Variants in CCDC175 observed in about 807,000 individuals in gnomAD.
The protein encoded by CCDC175 is coiled-coil domain-containing protein 175.
Under a neutral mutation model 114.6 loss-of-function variants are expected in CCDC175, and 100 were observed. The observed-to-expected ratio is 0.87, with a 90% CI of 0.74 to 1.03. CCDC175 has a LOEUF of 1.03. CCDC175 is among the 50% of genes least tolerant of loss of function. The pLI is 0.00. For missense variants in CCDC175, 880 were observed against 917.8 expected, an observed-to-expected ratio of 0.96 and a Z score of 0.53; for synonymous variants, 306 against 308.7, an observed-to-expected ratio of 0.99 and a Z score of 0.09.
Position 59,531,905 on chromosome 14 carries a change from T to G in CCDC175, c.1629A>C (p.Ile543=). ...TGTTAATTTGTGTTTCCTTAACAAA[T>G]ATTTCCTTTAAAGAAAATAAAATCA... ...LMKELSKYEE[I]FVKETQINKE... Residue 543 remains isoleucine (I), a synonymous_variant, in exon 14 of 20, where the codon ATA becomes ATC. Transcript: ENST00000537690. 1 of 1,165,562 alleles carries G rather than the reference T, an allele frequency of 8.6e-7. No homozygotes were observed. The highest frequency in any genetic ancestry group is 1.4e-5 in the South Asian group (1 of 70,210). 72.2% of individuals were successfully genotyped at this position (1,165,562 alleles called of 1,614,324 possible).
intron 7 of CCDC175, among the ~76,000 whole-genome samples, chr14:59,557,031 G>T (rs1442332730): frequency 1.3e-5 from 2 of 152,196 alleles, no homozygotes; most frequent in Non-Finnish European, 2.9e-5. Flanking sequence ...CTGTAAACTA[G>T]TTCAACGATT....
At chr14:59,551,962 G>A (rs1308971812) in intron 7 of CCDC175, among the ~76,000 whole-genome samples, 1 of 152,378 alleles carries the variant, frequency 6.6e-6, no homozygotes, top group East Asian at 1.9e-4. Context: ...GGTAAACAAA[G>A]CGGCCTGGAA....
intron 3 of CCDC175, among the ~76,000 whole-genome samples, chr14:59,569,669 T>A (rs958654225): frequency 5.3e-5 from 8 of 152,200 alleles, no homozygotes; most frequent in African/African-American, 1.7e-4. Context: ...TTTCCCTGCA[T>A]GTATAGTTTG....
intron 4 of CCDC175, among the ~76,000 whole-genome samples, chr14:59,566,885 T>G (rs1185675487): frequency 1.3e-5 from 2 of 152,174 alleles, no homozygotes; most frequent in African/African-American, 4.8e-5. Flanking sequence ...TTATTGCCTT[T>G]CCGTAAAGAT....
intron 14 of CCDC175, among the ~76,000 whole-genome samples, chr14:59,528,315 A>G (rs1893868336): frequency 6.6e-6 from 1 of 152,116 alleles, no homozygotes; most frequent in South Asian, 2.1e-4. Flanking sequence ...CCACACTAAT[A>G]TGGCTTAGTC....
chr14:59,569,397 A>T (rs1195420419), intron 3 of CCDC175, among the ~76,000 whole-genome samples: 1 of 152,216 alleles, frequency 6.6e-6, no homozygotes, highest in African/African-American at 2.4e-5. Flanking sequence ...AAGCTCTTAC[A>T]TGTTGCTTAT....
intron 12 of CCDC175, 131 bp downstream of exon 12, chr14:59,538,574 A>C: frequency 1.3e-6 from 1 of 756,008 alleles, no homozygotes; most frequent in Non-Finnish European, 2.0e-6. Flanking sequence ...AAAATCAAAT[A>C]ACTCACTCTA....
Position 59,538,060 on chromosome 14 carries a change from T to C in CCDC175, c.1586A>G (p.Lys529Arg). The change falls in exon 13 of 20, where the codon AAA becomes AGA. Residue 529 changes from lysine (K) to arginine (R), a missense_variant. Physicochemically the swap from Lys to Arg is conservative, Grantham distance 26. Coordinates refer to ENST00000537690, the MANE Select transcript of CCDC175 (RefSeq NM_001164399.2). ...LKEEEKAFVNKEKMLMKELSK... is the reference protein window; with the variant it reads ...LKEEEKAFVNREKMLMKELSK... ...TAACTCTTTCATTAACATTTTTTCTTTGTTAACAAATGCTTTCTCCTCTTC... is the reference window on the plus strand; with the variant it reads ...TAACTCTTTCATTAACATTTTTTCTCTGTTAACAAATGCTTTCTCCTCTTC... 6.5e-7 allele frequency: 1 copy of C among 1,530,898 alleles called. No individual in the cohort carries two copies. 94.8% of individuals were successfully genotyped at this position (1,530,898 alleles called of 1,614,324 possible). A position where few individuals can be genotyped will look rare whatever the true frequency, so the allele number is the denominator to read the frequency against.
At position 59,543,345 on chromosome 14, in the gene CCDC175, G is replaced by C; in HGVS notation, c.1282C>G (p.Gln428Glu). The change falls in exon 10 of 20, where the codon CAA becomes GAA. Residue 428 changes from glutamine to glutamate, a missense_variant and splice_region_variant. Coordinates refer to ENST00000537690, the MANE Select transcript of CCDC175 (RefSeq NM_001164399.2). ...EGLITLQELQ[Q>E]ATKTVYQQQI... is the part of the protein sequence containing the mutation. ...AAATTTCAAAGGCAACAAACATACT[G>C]TTGAAGTTCCTGGAGTGTGATGAGT... is the stretch of plus-strand genomic sequence containing the variant. 5.6e-6 allele frequency: 7 copies of C among 1,250,544 alleles called. No homozygotes were observed. The highest frequency in any genetic ancestry group is 7.6e-6 in the Non-Finnish European group (7 of 926,728). 77.5% of individuals were successfully genotyped at this position (1,250,544 alleles called of 1,614,324 possible). A position where few individuals can be genotyped will look rare whatever the true frequency, so the allele number is the denominator to read the frequency against.
intron 6 of CCDC175, among the ~76,000 whole-genome samples, chr14:59,561,619 TG>T (rs1896230440): frequency 6.6e-6 from 1 of 152,174 alleles, no homozygotes; most frequent in Non-Finnish European, 1.5e-5. Flanking sequence ...CAAAACAAAT[TG>T]GGTCTTTTGT....
chr14:59,525,166 C>T lies in CCDC175; in HGVS notation c.1995+116G>A, dbSNP rs1203125312. On this transcript the variant is annotated intron_variant, in intron 16 of 19. Transcript: ENST00000537690. ...CAATCTGGGCACTTTTCTGTGTGTA[C>T]TTTATGCTCCATTAAACATTTTTCA... The T allele has an allele frequency of 6.3e-6, 5 of 799,502 alleles. No individual in the cohort carries two copies. In the African/African-American group the frequency reaches 9.1e-5, roughly 15 times the overall value. The allele number at this position is 799,502 out of a possible 1,614,324, so 49.5% of individuals were successfully genotyped here. A position where few individuals can be genotyped will look rare whatever the true frequency, so the allele number is the denominator to read the frequency against.
At chr14:59,560,252 T>C (rs563949466) in intron 7 of CCDC175, among the ~76,000 whole-genome samples, 2 of 152,142 alleles carry the variant, frequency 1.3e-5, no homozygotes, top group Non-Finnish European at 2.9e-5. Context: ...CAAATATATA[T>C]AGAAATGAGC....
At position 59,540,704 on chromosome 14, in the gene CCDC175, A is replaced by T; in HGVS notation, c.1326T>A (p.Ser442Arg). 1.4e-6 allele frequency: 2 copies of T among 1,450,890 alleles called. No individual in the cohort carries two copies. The highest frequency in any genetic ancestry group is 1.8e-6 in the Non-Finnish European group (2 of 1,099,498). The allele number at this position is 1,450,890 out of a possible 1,614,324, so 89.9% of individuals were successfully genotyped here. Residue 442 changes from serine (S) to arginine (R), a missense_variant, in exon 11 of 20, where the codon AGT (serine) becomes AGA (arginine). Ser to Arg is a moderately radical substitution (Grantham distance 110). Transcript: ENST00000537690. ...TCTGACTTTCTCTTTCCAGGTTAGC[A>T]CTCAGGATTTTGATTTGTTGCTGAT... ...TVYQQQIKIL[S>R]ANLERESQRC...
intron 18 of CCDC175, 137 bp downstream of exon 18, chr14:59,511,623 A>C: frequency 6.1e-6 from 3 of 488,964 alleles, no homozygotes; most frequent in African/African-American, 2.6e-5. Context: ...GGGGAGTGAG[A>C]GAGCTAGTGT....
Position 59,543,332 on chromosome 14 carries a change from C to A in CCDC175, c.1283+12G>T. ...AAGTAAAGATAAAAAATTTCAAAGG[C>A]AACAAACATACTGTTGAAGTTCCTG... is the stretch of plus-strand genomic sequence containing the variant. On this transcript the variant is annotated intron_variant, in intron 10 of 19. Transcript: ENST00000537690. 9.7e-7 allele frequency: 1 copy of A among 1,031,030 alleles called. No homozygotes were observed. Among genetic ancestry groups the A allele is most frequent in the Non-Finnish European group, 1.4e-6 (1 of 737,434 alleles). The allele number at this position is 1,031,030 out of a possible 1,614,324, so 63.9% of individuals were successfully genotyped here. A position where few individuals can be genotyped will look rare whatever the true frequency, so the allele number is the denominator to read the frequency against.
chr14:59,512,044 C>A (rs1892786394), intron 17 of CCDC175, among the ~76,000 whole-genome samples: 1 of 152,130 alleles, frequency 6.6e-6, no homozygotes. Flanking sequence ...GACTGTGACA[C>A]CTGGAAGAGA....
At chr14:59,526,547 C>T (rs919769575) in intron 15 of CCDC175, among the ~76,000 whole-genome samples, 1 of 133,654 alleles carries the variant, frequency 7.5e-6, no homozygotes, top group African/African-American at 3.0e-5. Context: ...CAGAGTGAGA[C>T]TCCATCTCAA....
At chr14:59,513,809 A>G (rs922649601) in intron 17 of CCDC175, among the ~76,000 whole-genome samples, 12 of 152,196 alleles carry the variant, frequency 7.9e-5, no homozygotes, top group Non-Finnish European at 1.5e-4. Flanking sequence ...GACAGCTTTG[A>G]AGAGAGTAGA....
rs1896664526 is a variant in CCDC175 at position 59,568,243 on chromosome 14, A to C, written c.491+2T>G. 6.6e-7 allele frequency: 1 copy of C among 1,524,002 alleles called. No homozygotes were observed. Among genetic ancestry groups the C allele is most frequent in the African/African-American group, 1.4e-5 (1 of 71,768 alleles). The allele number at this position is 1,524,002 out of a possible 1,614,324, so 94.4% of individuals were successfully genotyped here. A position where few individuals can be genotyped will look rare whatever the true frequency, so the allele number is the denominator to read the frequency against. The stretch of plus-strand genomic sequence containing the variant: ...TCAAATACTGAATATAAGAATACCT[A>C]CCCCAGAGCTTCATTATATTTTGTC... On this transcript the variant is annotated splice_donor_variant, in intron 4 of 19. Transcript: ENST00000537690. LOFTEE classifies it high-confidence loss of function.
Sources: gnomAD v4.1 joint callset for allele counts (sites outside exome capture counted in the v4.1 genomes callset) on GRCh38, gnomAD v4.1.1 for gene constraint, MANE v1.5 for transcripts, NCBI Gene and HGNC (gene_info 2026-07-23, HGNC 2026-07-21) for gene names.